Variants in ZFYVE9 observed in about 807,000 individuals in gnomAD.
The protein encoded by ZFYVE9 is zinc finger FYVE-type containing 9, also known as zinc finger FYVE domain-containing protein 9.
ZFYVE9 carries 43 observed loss-of-function variants against 126.7 expected under a neutral mutation model. That is an observed-to-expected ratio of 0.34 (90% confidence interval 0.27 to 0.44). The LOEUF (loss-of-function observed/expected upper bound fraction) is 0.44, where lower values mean the gene tolerates loss of function less well. Among genes scored for constraint, ZFYVE9 ranks in the 20% least tolerant of loss-of-function variants. The pLI, the probability that ZFYVE9 is intolerant of heterozygous loss-of-function variation, is 1.00. For missense variants in ZFYVE9, 1,476 were observed against 1,697.0 expected (o/e 0.87, Z 2.29); for synonymous variants, 521 against 597.4 (o/e 0.87, Z 1.87).
chr1:52,234,847 T>A (rs948571313), intron 3 of ZFYVE9, among the ~76,000 whole-genome samples: 14 of 152,232 alleles, frequency 9.2e-5, no homozygotes, highest in African/African-American at 3.1e-4. Flanking sequence ...ATTTTCTTAA[T>A]CTTTTATTTG....
At chr1:52,149,908 G>C (rs969690596) in intron 1 of ZFYVE9, among the ~76,000 whole-genome samples, 2 of 152,130 alleles carry the variant, frequency 1.3e-5, no homozygotes, top group African/African-American at 4.8e-5. Context: ...GAGCCTTTCT[G>C]GTAGGATTAA....
At chr1:52,214,114 T>C (rs1645051212) in intron 1 of ZFYVE9, among the ~76,000 whole-genome samples, 1 of 152,060 alleles carries the variant, frequency 6.6e-6, no homozygotes, top group South Asian at 2.1e-4. Flanking sequence ...AGGTTGAAAG[T>C]AGATTAAGGA....
At chr1:52,329,631 C>T (rs1287272192) in intron 13 of ZFYVE9, among the ~76,000 whole-genome samples, 1 of 152,142 alleles carries the variant, frequency 6.6e-6, no homozygotes, top group Non-Finnish European at 1.5e-5. Context: ...ATCGGCCGGG[C>T]GCGGTGGCAC....
Position 52,177,402 on chromosome 1 carries a change from C to T in ZFYVE9, c.-143+34999C>T, listed in dbSNP as rs549695056. Among the ~76,000 whole-genome samples the T allele has an allele frequency of 3.0e-4, 46 of 152,266 alleles. No homozygotes were observed. In the South Asian group the frequency reaches 3.3e-3, roughly 11 times the overall value. On this transcript the variant is annotated intron_variant, in intron 1 of 18. Transcript: ENST00000287727. ...TGACCTCATGATCCATCCGCCTCGC[C>T]GCACAAAGTGCTGGATTACAGGCGT...
chr1:52,180,672 A>G, intron 1 of ZFYVE9: 1 of 397,866 alleles, frequency 2.5e-6, no homozygotes, highest in Non-Finnish European at 4.7e-6. Flanking sequence ...AAATCTTTAC[A>G]TTTTAGAAAT....
chr1:52,303,987 C>A, intron 13 of ZFYVE9, 62 bp downstream of exon 13: 5 of 1,088,974 alleles, frequency 4.6e-6, no homozygotes, highest in Non-Finnish European at 6.5e-6. Flanking sequence ...GTGAAAAATG[C>A]ATGATTATAT....
chr1:52,205,313 T>A (rs1375213690), intron 1 of ZFYVE9, among the ~76,000 whole-genome samples: 2 of 152,040 alleles, frequency 1.3e-5, no homozygotes, highest in Non-Finnish European at 2.9e-5. Flanking sequence ...GAGCTTAAGC[T>A]GTCTGACCAC....
chr1:52,237,209 T>G (rs1221358509), intron 3 of ZFYVE9, among the ~76,000 whole-genome samples: 1 of 152,186 alleles, frequency 6.6e-6, no homozygotes, highest in Non-Finnish European at 1.5e-5. Context: ...TGCTTTCCCC[T>G]CTTCTGGGTC....
At chr1:52,327,683 G>A (rs764985964) in intron 13 of ZFYVE9, among the ~76,000 whole-genome samples, 32 of 151,596 alleles carry the variant, frequency 2.1e-4, no homozygotes, top group Non-Finnish European at 3.1e-4. Flanking sequence ...GAGAAGAAAA[G>A]GGAAGGTAGG....
chr1:52,214,380 T>C (rs1228519545), intron 1 of ZFYVE9, among the ~76,000 whole-genome samples: 1 of 152,074 alleles, frequency 6.6e-6, no homozygotes, highest in East Asian at 1.9e-4. Context: ...TGAGCCAAGA[T>C]TGCACCATTA....
Position 52,340,536 on chromosome 1 carries a change from G to A in ZFYVE9, c.3939+305G>A, listed in dbSNP as rs540406113. Among the ~76,000 whole-genome samples the A allele has an allele frequency of 3.3e-5, 5 of 152,156 alleles. No homozygotes were observed. In the South Asian group the frequency reaches 1.0e-3, roughly 32 times the overall value. ...CTTTGCTGTATTCTTCAGAAAGCTGGGTCAGTTATTCTGTACTTATAAACT... is the reference window on the plus strand; with the variant it reads ...CTTTGCTGTATTCTTCAGAAAGCTGAGTCAGTTATTCTGTACTTATAAACT... On this transcript the variant is annotated intron_variant, in intron 17 of 18. Coordinates refer to ENST00000287727, the MANE Select transcript of ZFYVE9 (RefSeq NM_004799.4).
intron 5 of ZFYVE9, among the ~76,000 whole-genome samples, chr1:52,266,311 A>G (rs1307166607): frequency 6.9e-6 from 1 of 145,260 alleles, no homozygotes; most frequent in Non-Finnish European, 1.5e-5. Context: ...GTTAGCCAGG[A>G]TGGTCTTGAT....
At chr1:52,261,011 C>G (rs1645574434) in intron 4 of ZFYVE9, among the ~76,000 whole-genome samples, 1 of 152,032 alleles carries the variant, frequency 6.6e-6, no homozygotes, top group Non-Finnish European at 1.5e-5. Flanking sequence ...TGTGTACATA[C>G]TATTTCCTCT....
At chr1:52,225,149 T>G (rs764358163) in intron 2 of ZFYVE9, among the ~76,000 whole-genome samples, 1 of 152,226 alleles carries the variant, frequency 6.6e-6, no homozygotes, top group African/African-American at 2.4e-5. Flanking sequence ...TGACGTTTCT[T>G]ACCTTGGTCT....
At chr1:52,227,602 G>C (rs569805227) in intron 2 of ZFYVE9, among the ~76,000 whole-genome samples, 1 of 152,264 alleles carries the variant, frequency 6.6e-6, no homozygotes, top group South Asian at 2.1e-4. Flanking sequence ...AATATTTAAT[G>C]ACTTTTTAAA....
chr1:52,244,641 C>T (rs1447943444), intron 4 of ZFYVE9, among the ~76,000 whole-genome samples: 1 of 152,164 alleles, frequency 6.6e-6, no homozygotes, highest in Non-Finnish European at 1.5e-5. Context: ...TTGTGCTTGG[C>T]ATCAAACTTT....
rs142821298 is a variant in ZFYVE9 at position 52,160,280 on chromosome 1, C to T, written c.-143+17877C>T. ...TTTCAATTAAATCTTTACAACAGTTCGAATGCTCTTTCCAGAATGCATCAG... is the reference window on the plus strand; with the variant it reads ...TTTCAATTAAATCTTTACAACAGTTTGAATGCTCTTTCCAGAATGCATCAG... On this transcript the variant is annotated intron_variant, in intron 1 of 18. Transcript: ENST00000287727. The T allele has an allele frequency of 2.7e-3, 2,529 of 943,212 alleles. 30 individuals are homozygous for T. The African/African-American group carries it at 0.033, about 12-fold the overall frequency. 58.4% of individuals were successfully genotyped at this position (943,212 alleles called of 1,614,324 possible). A position where few individuals can be genotyped will look rare whatever the true frequency, so the allele number is the denominator to read the frequency against.
At chr1:52,255,938 C>CTTTTCTTTTCTT (rs1231253359) in intron 4 of ZFYVE9, among the ~76,000 whole-genome samples, 23 of 124,292 alleles carry the variant, frequency 1.9e-4, no homozygotes, top group African/African-American at 7.2e-4. Context: ...CTTTTCTTTT[C>CTTTTCTTTTCTT]TTTTCTTTTC....
At chr1:52,268,233 G>A (rs927147318) in intron 6 of ZFYVE9, among the ~76,000 whole-genome samples, 1 of 152,128 alleles carries the variant, frequency 6.6e-6, no homozygotes, top group Non-Finnish European at 1.5e-5. Flanking sequence ...TCAAAGCAAA[G>A]TATTTTACTC....
Sources: gnomAD v4.1 joint callset for allele counts (sites outside exome capture counted in the v4.1 genomes callset) on GRCh38, gnomAD v4.1.1 for gene constraint, MANE v1.5 for transcripts, NCBI Gene and HGNC (gene_info 2026-07-23, HGNC 2026-07-21) for gene names.